The following ADCY2 variants were observed in gnomAD, a reference collection of about 807,000 sequenced individuals.
ADCY2 encodes the protein adenylate cyclase type 2.
Under a neutral mutation model 125.2 loss-of-function variants are expected in ADCY2, and 31 were observed. That is an observed-to-expected ratio of 0.25 (90% CI 0.19 to 0.33). The LOEUF (loss-of-function observed/expected upper bound fraction) is 0.33. Among genes scored for constraint, ADCY2 ranks in the 10% least tolerant of loss-of-function variants. The pLI, the probability that ADCY2 is intolerant of heterozygous loss-of-function variation, is 1.00. For synonymous variants in ADCY2, 512 were observed against 548.4 expected, an observed-to-expected ratio of 0.93 and a Z score of 0.93; for missense variants, 904 against 1,418.2, an observed-to-expected ratio of 0.64 and a Z score of 5.82.
chr5:7,815,281 G>A (rs1745072846), intron 22 of ADCY2, among the ~76,000 whole-genome samples: 1 of 152,178 alleles, frequency 6.6e-6, no homozygotes, highest in Non-Finnish European at 1.5e-5. Flanking sequence ...TCTCTACCCT[G>A]GTGGAGCTCA....
chr5:7,775,863 A>G (rs372890168), intron 18 of ADCY2, among the ~76,000 whole-genome samples: 16 of 152,332 alleles, frequency 1.1e-4, no homozygotes, highest in East Asian at 7.7e-4. Flanking sequence ...AGCATCTTCA[A>G]TGGAAAGATG....
chr5:7,820,757 TA>T, intron 24 of ADCY2, 68 bp downstream of exon 24: 1 of 1,516,220 alleles, frequency 6.6e-7, no homozygotes, highest in Non-Finnish European at 8.8e-7. Flanking sequence ...CATAAATAAG[TA>T]TAATAAGGAT....
At chr5:7,456,864 C>T (rs886924559) in intron 2 of ADCY2, among the ~76,000 whole-genome samples, 1 of 152,100 alleles carries the variant, frequency 6.6e-6, no homozygotes, top group African/African-American at 2.4e-5. Flanking sequence ...TGTGTTTATT[C>T]TTCTAGTTTT....
At chr5:7,494,936 C>T (rs1435098423) in intron 2 of ADCY2, among the ~76,000 whole-genome samples, 1 of 152,224 alleles carries the variant, frequency 6.6e-6, no homozygotes, top group Non-Finnish European at 1.5e-5. Context: ...GAACACCGGA[C>T]CAGCTGCCAT....
At chr5:7,784,583 A>G (rs2306053) in intron 19 of ADCY2, 134 bp downstream of exon 19, 108,107 of 607,712 alleles carry the variant, frequency 0.18, 14,237 homozygotes, top group East Asian at 0.61. Flanking sequence ...CACTGAAGAT[A>G]AAACTAGTTA....
At chr5:7,511,357 C>A (rs998791267) in intron 2 of ADCY2, among the ~76,000 whole-genome samples, 1 of 152,202 alleles carries the variant, frequency 6.6e-6, no homozygotes, top group African/African-American at 2.4e-5. Context: ...GGGCAGATCA[C>A]GAGGTCAGGA....
At position 7,569,148 on chromosome 5, in the gene ADCY2, G is replaced by A. The variant is rs373295667; in HGVS notation, c.570+48249G>A. ...AATGAGCAACCCAGTTCAGTGTAGG[G>A]CATGATGTGAGCAAGGCACTACGGA... On this transcript the variant is annotated intron_variant, in intron 3 of 24. Transcript: ENST00000338316. Among the ~76,000 whole-genome samples, 16 of 152,282 alleles carry A rather than the reference G, an allele frequency of 1.1e-4. No individual in the cohort carries two copies. In the East Asian group the frequency reaches 2.3e-3, roughly 22 times the overall value.
chr5:7,620,165 C>T (rs764608341), intron 3 of ADCY2, among the ~76,000 whole-genome samples: 1 of 152,074 alleles, frequency 6.6e-6, no homozygotes, highest in Non-Finnish European at 1.5e-5. Flanking sequence ...CCAAATATAT[C>T]TGGAAAAATA....
At chr5:7,484,830 T>A (rs941169070) in intron 2 of ADCY2, among the ~76,000 whole-genome samples, 1 of 152,162 alleles carries the variant, frequency 6.6e-6, no homozygotes. Flanking sequence ...TACACTTACA[T>A]TTTACTTCTT....
At chr5:7,792,827 A>G (rs753321616) in intron 20 of ADCY2, among the ~76,000 whole-genome samples, 9 of 152,212 alleles carry the variant, frequency 5.9e-5, no homozygotes, top group Non-Finnish European at 1.2e-4. Flanking sequence ...CCTCATCCAT[A>G]AAAGAAGAAG....
chr5:7,561,007 A>G, intron 3 of ADCY2, among the ~76,000 whole-genome samples: 1 of 152,258 alleles, frequency 6.6e-6, no homozygotes, highest in East Asian at 1.9e-4. Flanking sequence ...TTTCTTCTTA[A>G]AAATATGTTC....
chr5:7,545,288 G>T (rs1735114085), intron 3 of ADCY2, among the ~76,000 whole-genome samples: 1 of 152,136 alleles, frequency 6.6e-6, no homozygotes, highest in Non-Finnish European at 1.5e-5. Context: ...AGTGCTTCTG[G>T]GAACCATATT....
rs551741416 is a variant in ADCY2, at chr5:7,564,058, A to G, written c.570+43159A>G. ...TTGATTTGCAAGTGAATTTAATTAA[A>G]CAGATCATTTGTTTGAAGATTAATT... is the stretch of plus-strand genomic sequence containing the variant. On this transcript the variant is annotated intron_variant, in intron 3 of 24. Transcript: ENST00000338316. Among the ~76,000 whole-genome samples the G allele has an allele frequency of 3.9e-5, 6 of 152,362 alleles. No individual in the cohort carries two copies. In the South Asian group the frequency reaches 1.2e-3, roughly 32 times the overall value.
At chr5:7,787,284 G>A (rs530625009) in intron 19 of ADCY2, among the ~76,000 whole-genome samples, 13 of 152,298 alleles carry the variant, frequency 8.5e-5, no homozygotes, top group South Asian at 4.1e-4. Flanking sequence ...GCCTCTGCTA[G>A]ACGCCTGCGC....
chr5:7,720,274 C>G (rs1314226535), intron 12 of ADCY2, among the ~76,000 whole-genome samples: 3 of 152,170 alleles, frequency 2.0e-5, no homozygotes, highest in Non-Finnish European at 4.4e-5. Flanking sequence ...TTCCAAATAT[C>G]CAAATCACAT....
chr5:7,826,625 G>A (rs113597683), intron 24 of ADCY2, 94 bp from the exon 25 acceptor site: 3 of 1,531,984 alleles, frequency 2.0e-6, no homozygotes, highest in Non-Finnish European at 2.7e-6. Flanking sequence ...GGGTCAAAGA[G>A]CATGGTGCTT....
At chr5:7,431,152 A>G (rs1047274353) in intron 2 of ADCY2, among the ~76,000 whole-genome samples, 11 of 152,198 alleles carry the variant, frequency 7.2e-5, no homozygotes, top group African/African-American at 2.7e-4. Context: ...TTTATTATAA[A>G]ACTACAGTAA....
chr5:7,628,629 T>A (rs1372881519), intron 4 of ADCY2, among the ~76,000 whole-genome samples: 1 of 152,192 alleles, frequency 6.6e-6, no homozygotes, highest in Non-Finnish European at 1.5e-5. Flanking sequence ...ATATTAAATA[T>A]GTTTAATATA....
intron 3 of ADCY2, among the ~76,000 whole-genome samples, chr5:7,530,632 C>T (rs1734609450): frequency 6.6e-6 from 1 of 152,048 alleles, no homozygotes; most frequent in Non-Finnish European, 1.5e-5. Context: ...ATCCAAAAAA[C>T]AACTCTGATC....
Sources: allele counts gnomAD v4.1 joint callset (sites outside exome capture counted in the v4.1 genomes callset), GRCh38; gene constraint gnomAD v4.1.1; transcripts MANE v1.5; gene names NCBI Gene and HGNC (gene_info 2026-07-23, HGNC 2026-07-21).